GRIK1: variants seen among roughly 807,000 people sequenced by gnomAD.
The protein encoded by GRIK1 is glutamate ionotropic receptor kainate type subunit 1.
In GRIK1, 69 loss-of-function variants were observed where a neutral mutation model predicts 105.7. That is an observed-to-expected ratio of 0.65 (90% CI 0.54 to 0.80). GRIK1 has a LOEUF of 0.80. GRIK1 is among the 30% of genes least tolerant of loss of function. The probability of loss-of-function intolerance (pLI) is 0.00; values close to 1 mark genes in which losing one functional copy is unlikely to be tolerated. For synonymous variants in GRIK1, 438 were observed against 431.3 expected (o/e 1.02, Z -0.19); for missense variants, 1,109 against 1,167.3 (o/e 0.95, Z 0.73).
chr21:29,816,059 C>T (rs758124031), intron 1 of GRIK1, among the ~76,000 whole-genome samples: 44 of 152,180 alleles, frequency 2.9e-4, no homozygotes, highest in Admixed American at 7.9e-4. Flanking sequence ...TGACAAAGGA[C>T]TGTATCCAGA....
chr21:29,675,519 T>C (rs1202935438), intron 3 of GRIK1, among the ~76,000 whole-genome samples: 1 of 152,230 alleles, frequency 6.6e-6, no homozygotes, highest in Non-Finnish European at 1.5e-5. Flanking sequence ...CTTTCTATCA[T>C]GATGACTTAC....
At chr21:29,936,371 TAA>T (rs2071756029) in intron 1 of GRIK1, among the ~76,000 whole-genome samples, 1 of 152,238 alleles carries the variant, frequency 6.6e-6, no homozygotes, top group Non-Finnish European at 1.5e-5. Context: ...CCACGTCTAC[TAA>T]GTTTACCTAG....
intron 1 of GRIK1, among the ~76,000 whole-genome samples, chr21:29,854,338 AC>A (rs112878380): frequency 0.32 from 48,662 of 151,234 alleles, 8,489 homozygotes; most frequent in East Asian, 0.46. Context: ...TGACCCAAAC[AC>A]CCCCCCACCA....
intron 1 of GRIK1, among the ~76,000 whole-genome samples, chr21:29,811,008 G>A (rs2066995773): frequency 6.6e-6 from 1 of 152,082 alleles, no homozygotes. Context: ...AGACTGACAG[G>A]CAATTTCAAC....
intron 5 of GRIK1, 67 bp downstream of exon 5, chr21:29,654,743 G>A (rs931831618): frequency 1.1e-6 from 1 of 910,690 alleles, no homozygotes; most frequent in Admixed American, 1.7e-5. Flanking sequence ...TGGTGAGGCC[G>A]ACTCTGAAAT....
At chr21:29,596,297 A>T (rs977307812) in intron 9 of GRIK1, 1 of 663,362 alleles carries the variant, frequency 1.5e-6, no homozygotes, top group African/African-American at 1.8e-5. Flanking sequence ...CTTGGGGGAA[A>T]TATTTAATCC....
chr21:29,890,714 A>C, intron 1 of GRIK1, among the ~76,000 whole-genome samples: 1 of 152,194 alleles, frequency 6.6e-6, no homozygotes, highest in Non-Finnish European at 1.5e-5. Flanking sequence ...CCAGAAATTT[A>C]TAGCAAAGAC....
intron 1 of GRIK1, among the ~76,000 whole-genome samples, chr21:29,772,584 T>C (rs1017674227): frequency 5.9e-5 from 9 of 152,218 alleles, no homozygotes; most frequent in African/African-American, 1.9e-4. Context: ...TAACTATTTG[T>C]CATCCCCCCC....
At chr21:29,610,398 G>A (rs11701718) in intron 7 of GRIK1, among the ~76,000 whole-genome samples, 15,034 of 152,044 alleles carry the variant, frequency 0.099, 1,057 homozygotes, top group Non-Finnish European at 0.15. Flanking sequence ...GTAACCACAG[G>A]GTCCTTATAA....
chr21:29,886,534 A>G (rs755400407), intron 1 of GRIK1, among the ~76,000 whole-genome samples: 26 of 152,142 alleles, frequency 1.7e-4, no homozygotes, highest in Non-Finnish European at 4.4e-5. Context: ...TTTCTATTGA[A>G]TGACTTCTAT....
intron 1 of GRIK1, among the ~76,000 whole-genome samples, chr21:29,704,947 T>C (rs995758032): frequency 6.6e-6 from 1 of 152,250 alleles, no homozygotes; most frequent in Admixed American, 6.5e-5. Flanking sequence ...TTAATGTCTC[T>C]TGACAGCAGT....
chr21:29,757,553 AT>A (rs1017662285), intron 1 of GRIK1, among the ~76,000 whole-genome samples: 3 of 152,160 alleles, frequency 2.0e-5, no homozygotes, highest in Non-Finnish European at 4.4e-5. Flanking sequence ...CTATGACTAA[AT>A]TTTTTCCTAA....
In GRIK1 at chr21:29,654,800, A is replaced by C. The variant is rs752139322; in HGVS notation, c.780+10T>G. ...ACCATGTGGAATACATTTCTCCCAGATGCACTTACCAGGGTTGTGAAAAAG... is the reference window on the plus strand; with the variant it reads ...ACCATGTGGAATACATTTCTCCCAGCTGCACTTACCAGGGTTGTGAAAAAG... On this transcript the variant is annotated intron_variant, in intron 5 of 17. Transcript: ENST00000327783. 6.7e-7 allele frequency: 1 copy of C among 1,488,000 alleles called. No individual in the cohort carries two copies. The highest frequency in any genetic ancestry group is 1.7e-5 in the Admixed American group (1 of 59,902). The allele number at this position is 1,488,000 out of a possible 1,614,324, so 92.2% of individuals were successfully genotyped here.
chr21:29,737,806 A>G (rs1331706659), intron 1 of GRIK1, among the ~76,000 whole-genome samples: 1 of 152,248 alleles, frequency 6.6e-6, no homozygotes, highest in Non-Finnish European at 1.5e-5. Flanking sequence ...GCATTGATGC[A>G]ATGAACAAAT....
chr21:29,764,914 G>A (rs2065618856), intron 1 of GRIK1, among the ~76,000 whole-genome samples: 1 of 152,078 alleles, frequency 6.6e-6, no homozygotes, highest in South Asian at 2.1e-4. Context: ...AGAAAACTTA[G>A]GGCTTTCAGT....
chr21:29,590,040 C>G (rs923254311), intron 10 of GRIK1, among the ~76,000 whole-genome samples: 10 of 152,310 alleles, frequency 6.6e-5, no homozygotes, highest in African/African-American at 2.4e-4. Flanking sequence ...CACTTCCCTA[C>G]TACCATGCAT....
chr21:29,825,638 G>A (rs1042449839), intron 1 of GRIK1, among the ~76,000 whole-genome samples: 1 of 151,984 alleles, frequency 6.6e-6, no homozygotes, highest in Non-Finnish European at 1.5e-5. Flanking sequence ...AAGTTTCTGT[G>A]AATCATTTTA....
Position 29,844,150 on chromosome 21 carries a change from AT to A in GRIK1, c.118+95232del, listed in dbSNP as rs937371128. On this transcript the variant is annotated intron_variant, in intron 1 of 17. Coordinates refer to ENST00000327783, the MANE Select transcript of GRIK1 (RefSeq NM_001330994.2). The stretch of plus-strand genomic sequence containing the variant: ...CTGTAATAGATATCTTTGTCATTGC[AT>A]TTTTTTTCCTTTGGCTTAATTTTAT... Among the ~76,000 whole-genome samples the A allele has an allele frequency of 3.0e-4, 45 of 151,812 alleles. 2 individuals are homozygous for A. Among genetic ancestry groups the A allele is most frequent in the Admixed American group, 1.2e-3 (19 of 15,246 alleles).
intron 1 of GRIK1, among the ~76,000 whole-genome samples, chr21:29,837,136 C>T (rs2067830319): frequency 6.6e-6 from 1 of 152,262 alleles, no homozygotes; most frequent in African/African-American, 2.4e-5. Context: ...GATAGCTAAG[C>T]TGAAATTGTA....
Sources: allele counts gnomAD v4.1 joint callset (sites outside exome capture counted in the v4.1 genomes callset), GRCh38; gene constraint gnomAD v4.1.1; transcripts MANE v1.5; gene names NCBI Gene and HGNC (gene_info 2026-07-23, HGNC 2026-07-21).